Variants in ATP1B2 observed in about 807,000 individuals in gnomAD.
The protein encoded by ATP1B2 is sodium/potassium-transporting ATPase subunit beta-2.
Under a neutral mutation model 37.3 loss-of-function variants are expected in ATP1B2, and 12 were observed. That is an observed-to-expected ratio of 0.32 (90% CI 0.21 to 0.52). The LOEUF is 0.52. ATP1B2 is among the 20% of genes least tolerant of loss of function. ATP1B2 has a pLI of 0.96. For synonymous variants in ATP1B2, 139 were observed against 140.5 expected (o/e 0.99, Z 0.07); for missense variants, 324 against 391.6 (o/e 0.83, Z 1.46).
Position 7,651,600 on chromosome 17 carries a change from C to T in ATP1B2, c.82C>T (p.Gln28Ter). The T allele has an allele frequency of 6.2e-7, 1 of 1,606,012 alleles. No homozygotes were observed. Among genetic ancestry groups the T allele is most frequent in the Non-Finnish European group, 8.5e-7 (1 of 1,176,556 alleles). Residue 28 changes from glutamine to a stop codon, truncating the protein, a stop_gained, in exon 1 of 7, where the codon CAG (glutamine) becomes TAG (stop). Transcript: ENST00000250111. LOFTEE classifies it high-confidence loss of function. ...KEFVWNPRTH[Q>*]FMGRTGTSWA... ...GTTCGTGTGGAACCCGAGGACGCAC[C>T]AGTTTATGGGCCGCACCGGGACCAG... is the stretch of plus-strand genomic sequence containing the variant.
chr17:7,654,790 AG>A lies in ATP1B2; in HGVS notation c.609+107del, dbSNP rs1421651406. ...GTCTCTCCCTATCTTCTTTGCTCCT[AG>A]AGGCCCCATCACCATAGAAACAAGG... On this transcript the variant is annotated intron_variant, in intron 5 of 6. Transcript: ENST00000250111. The surrounding 1 kb of genome is among the most constrained non-coding windows in gnomAD (Gnocchi z 4.9). The A allele has an allele frequency of 2.2e-6, 3 of 1,347,888 alleles. No homozygotes were observed. In the South Asian group the frequency reaches 3.6e-5, roughly 16 times the overall value. The allele number at this position is 1,347,888 out of a possible 1,614,324, so 83.5% of individuals were successfully genotyped here.
At chr17:7,653,754 C>A in intron 2 of ATP1B2, 87 bp from the exon 3 acceptor site, 1 of 1,388,672 alleles carries the variant, frequency 7.2e-7, no homozygotes, top group Non-Finnish European at 1.0e-6. Context: ...TGTCCCCACT[C>A]TGGTGTTCCC....
At position 7,654,058 on chromosome 17, in the gene ATP1B2, A is replaced by T; in HGVS notation, c.353A>T (p.Asn118Ile). The change falls in exon 4 of 7, where the codon AAC becomes ATC. Residue 118 changes from asparagine (N) to isoleucine (I), a missense_variant. Transcript: ENST00000250111. This position sits in a 1 kb window ranked among gnomAD's most constrained non-coding sequence, Gnocchi z 4.9. ...CTCCCTCCCACCTCTTTAGCTTACAACGACTCTATCCAAGCCCAAAAGAAT... is the reference window on the plus strand; with the variant it reads ...CTCCCTCCCACCTCTTTAGCTTACATCGACTCTATCCAAGCCCAAAAGAAT... ...QKLNKFLEPYNDSIQAQKNDV... is the reference protein window; with the variant it reads ...QKLNKFLEPYIDSIQAQKNDV... 2 of 1,614,082 alleles carry T rather than the reference A, an allele frequency of 1.2e-6. No individual in the cohort carries two copies. The highest frequency in any genetic ancestry group is 1.7e-6 in the Non-Finnish European group (2 of 1,180,010).
At position 7,655,947 on chromosome 17, in the gene ATP1B2, C is replaced by T. The variant is rs1298596353; in HGVS notation, c.*52C>T. ...TCCTGTGGATGCTCCTGGAATGTCC[C>T]TGACCCTGCCTGATCCCTCCCTCAC... On this transcript the variant is annotated 3_prime_UTR_variant, in exon 7 of 7. Coordinates refer to ENST00000250111, the MANE Select transcript of ATP1B2 (RefSeq NM_001678.5). The surrounding 1 kb of genome is among the most constrained non-coding windows in gnomAD (Gnocchi z 4.4). 6.3e-7 allele frequency: 1 copy of T among 1,599,270 alleles called. No individual in the cohort carries two copies. Among genetic ancestry groups the T allele is most frequent in the East Asian group, 2.2e-5 (1 of 44,632 alleles).
chr17:7,655,666 T>C lies in ATP1B2; in HGVS notation c.708+41T>C, dbSNP rs1597336185. ...GGCCCAGGCTGATGGCGGGTGCGGG[T>C]GGTGAGCTAGGGAAGGAGGCCGCGT... is the stretch of plus-strand genomic sequence containing the variant. On this transcript the variant is annotated intron_variant, in intron 6 of 6. Coordinates refer to ENST00000250111, the MANE Select transcript of ATP1B2 (RefSeq NM_001678.5). This position sits in a 1 kb window ranked among gnomAD's most constrained non-coding sequence, Gnocchi z 4.4. The C allele has an allele frequency of 6.2e-7, 1 of 1,612,704 alleles. No homozygotes were observed. Among genetic ancestry groups the C allele is most frequent in the African/African-American group, 1.3e-5 (1 of 74,816 alleles).
chr17:7,646,631 G>A (rs1477595277), upstream of ATP1B2: 1 of 152,250 alleles, frequency 6.6e-6, no homozygotes, highest in Admixed American at 6.5e-5. Flanking sequence ...CGTTCCAGAT[G>A]CAACATGGAC....
Position 7,651,496 on chromosome 17 carries a change from C to T in ATP1B2, c.-23C>T, listed in dbSNP as rs1273998384. Reference sequence around the variant, plus strand: ...TCTCCGCAACCCCCCGCCCCGCGCCCGGACTCGCCCCGCGCCACCAAGATG... The same window carrying T: ...TCTCCGCAACCCCCCGCCCCGCGCCTGGACTCGCCCCGCGCCACCAAGATG... On this transcript the variant is annotated 5_prime_UTR_variant, in exon 1 of 7. Transcript: ENST00000250111. 2 of 1,560,010 alleles carry T rather than the reference C, an allele frequency of 1.3e-6. No individual in the cohort carries two copies. The highest frequency in any genetic ancestry group is 1.7e-6 in the Non-Finnish European group (2 of 1,151,512).
chr17:7,655,501 C>T lies in ATP1B2; in HGVS notation c.610-26C>T, dbSNP rs767957693. The stretch of plus-strand genomic sequence containing the variant: ...GTGCCTGCCATCCCTAACTGGCTCA[C>T]CCCCTATCTTCCTGCACCCCCACAG... On this transcript the variant is annotated intron_variant, in intron 5 of 6. Coordinates refer to ENST00000250111, the MANE Select transcript of ATP1B2 (RefSeq NM_001678.5). This position sits in a 1 kb window ranked among gnomAD's most constrained non-coding sequence, Gnocchi z 4.4. The T allele has an allele frequency of 1.9e-6, 3 of 1,612,110 alleles. No homozygotes were observed. Among genetic ancestry groups the T allele is most frequent in the East Asian group, 4.5e-5 (2 of 44,882 alleles).
At chr17:7,653,349 G>A (rs1273449284) in intron 1 of ATP1B2, 25 bp from the exon 2 acceptor site, 3 of 1,613,550 alleles carry the variant, frequency 1.9e-6, no homozygotes, top group East Asian at 2.2e-5. Flanking sequence ...CTTGGGCCCT[G>A]CTGACCCTGT....
In ATP1B2 at chr17:7,654,612, T is replaced by G. The variant is rs772035818; in HGVS notation, c.553-16T>G. ...CTTCTTCCTCTGACTCTCTTCACCTTCCACCCTCACTCCAGGTCATCAACT... is the reference window on the plus strand; with the variant it reads ...CTTCTTCCTCTGACTCTCTTCACCTGCCACCCTCACTCCAGGTCATCAACT... On this transcript the variant is annotated splice_polypyrimidine_tract_variant and intron_variant, in intron 4 of 6. Transcript: ENST00000250111. This position sits in a 1 kb window ranked among gnomAD's most constrained non-coding sequence, Gnocchi z 4.9. 6.2e-7 allele frequency: 1 copy of G among 1,613,904 alleles called. No homozygotes were observed. The highest frequency in any genetic ancestry group is 8.5e-7 in the Non-Finnish European group (1 of 1,179,810).
Position 7,650,961 on chromosome 17 carries a change from C to A in ATP1B2, c.-558C>A, listed in dbSNP as rs1220371639. ...GGAGCGGAGCCTCCGCCTGGGGGGC[C>A]CCCCATCCCTGGCTGTCCCCCAGCT... On this transcript the variant is annotated 5_prime_UTR_variant, in exon 1 of 7. Transcript: ENST00000250111. Among the ~76,000 whole-genome samples the A allele has an allele frequency of 6.6e-6, 1 of 152,098 alleles. No individual in the cohort carries two copies. Among genetic ancestry groups the A allele is most frequent in the Non-Finnish European group, 1.5e-5 (1 of 67,994 alleles).
At chr17:7,651,821 A>G (rs2072615286) in intron 1 of ATP1B2, among the ~76,000 whole-genome samples, 191 bp downstream of exon 1, 1 of 152,010 alleles carries the variant, frequency 6.6e-6, no homozygotes, top group South Asian at 2.1e-4. Flanking sequence ...AGGCGGAGAA[A>G]GTAGGTCACA....
chr17:7,656,013 C>T lies in ATP1B2; in HGVS notation c.*118C>T. 5 of 1,341,090 alleles carry T rather than the reference C, an allele frequency of 3.7e-6. No homozygotes were observed. Among genetic ancestry groups the T allele is most frequent in the Non-Finnish European group, 5.1e-6 (5 of 982,696 alleles). 83.1% of individuals were successfully genotyped at this position (1,341,090 alleles called of 1,614,324 possible). ...TTTTGATAACAGAGCTATGACTTGTCTGAGCCTCACATCCTTTTCCTTGAC... is the reference window on the plus strand; with the variant it reads ...TTTTGATAACAGAGCTATGACTTGTTTGAGCCTCACATCCTTTTCCTTGAC... On this transcript the variant is annotated 3_prime_UTR_variant, in exon 7 of 7. Coordinates refer to ENST00000250111, the MANE Select transcript of ATP1B2 (RefSeq NM_001678.5).
At chr17:7,650,854 T>C (rs894147358), upstream of ATP1B2, among the ~76,000 whole-genome samples, 2 of 107,242 alleles carry the variant, frequency 1.9e-5, no homozygotes, top group African/African-American at 7.0e-5. Flanking sequence ...GCGGAGCTTC[T>C]GGGGGTGGGA....
Position 7,655,771 on chromosome 17 carries a change from A to T in ATP1B2, c.749A>T (p.Asn250Ile), listed in dbSNP as rs1273044577. 6.2e-7 allele frequency: 1 copy of T among 1,614,016 alleles called. No individual in the cohort carries two copies. The highest frequency in any genetic ancestry group is 1.1e-5 in the South Asian group (1 of 91,086). ...TQPLVAVKFL[N>I]VTPNVEVNVE... ...CCCCTGGTGGCTGTGAAGTTCCTGA[A>T]TGTGACCCCCAACGTGGAGGTGAAT... is the stretch of plus-strand genomic sequence containing the variant. Residue 250 changes from asparagine (N) to isoleucine (I), a missense_variant, in exon 7 of 7, where the codon AAT becomes ATT. Asn to Ile is a moderately radical substitution (Grantham distance 149). Transcript: ENST00000250111. The surrounding 1 kb of genome is among the most constrained non-coding windows in gnomAD (Gnocchi z 4.4).
At chr17:7,653,570 C>T in intron 2 of ATP1B2, 68 bp downstream of exon 2, 2 of 1,582,182 alleles carry the variant, frequency 1.3e-6, no homozygotes, top group Non-Finnish European at 1.7e-6. Flanking sequence ...CCAGAAGGAA[C>T]TCATAGTTCC....
intron 2 of ATP1B2, 70 bp downstream of exon 2, chr17:7,653,572 C>A (rs1248470617): frequency 3.2e-6 from 5 of 1,578,840 alleles, no homozygotes; most frequent in Non-Finnish European, 4.3e-6. Context: ...AGAAGGAACT[C>A]ATAGTTCCTT....
intron 2 of ATP1B2, 21 bp downstream of exon 2, chr17:7,653,523 T>C (rs1597335119): frequency 1.2e-6 from 2 of 1,613,462 alleles, no homozygotes; most frequent in Non-Finnish European, 1.7e-6. Flanking sequence ...AGGCTCCCCC[T>C]GCCAGCTACT....
Position 7,651,365 on chromosome 17 carries a change from G to T in ATP1B2, c.-154G>T. On this transcript the variant is annotated 5_prime_UTR_variant, in exon 1 of 7. Transcript: ENST00000250111. The stretch of plus-strand genomic sequence containing the variant: ...CCGCAGCGCGTGGTCGTGCACCCCG[G>T]AATCTGCAGCAGCTGCATATCTGAG... The T allele has an allele frequency of 1.5e-6, 1 of 674,284 alleles. No homozygotes were observed. The highest frequency in any genetic ancestry group is 2.6e-6 in the Non-Finnish European group (1 of 391,168). 41.8% of individuals were successfully genotyped at this position (674,284 alleles called of 1,614,324 possible).
Sources: gnomAD v4.1 joint callset for allele counts (sites outside exome capture counted in the v4.1 genomes callset) on GRCh38, gnomAD v4.1.1 for gene constraint, Gnocchi (gnomAD v3.1) non-coding constraint, MANE v1.5 for transcripts, NCBI Gene and HGNC (gene_info 2026-07-23, HGNC 2026-07-21) for gene names.